G3BP2: variants seen among roughly 807,000 people sequenced by gnomAD.
G3BP2 encodes G3BP stress granule assembly factor 2, also known as ras GTPase-activating protein-binding protein 2.
A neutral mutation model predicts 56.7 loss-of-function variants in G3BP2; 11 were observed. The ratio of observed to expected loss-of-function variants is 0.19; its 90% CI spans 0.12 to 0.32. G3BP2 has a LOEUF of 0.32. Ranked by LOEUF, G3BP2 falls within the 10% of genes least tolerant of loss-of-function variation. G3BP2 has a pLI of 1.00. For missense variants in G3BP2, 340 were observed against 610.9 expected (o/e 0.56, Z 4.67); for synonymous variants, 165 against 191.6 (o/e 0.86, Z 1.15).
At chr4:75,680,829 G>C (rs1734041839) in intron 3 of G3BP2, among the ~76,000 whole-genome samples, 2 of 151,960 alleles carry the variant, frequency 1.3e-5, no homozygotes, top group Non-Finnish European at 2.9e-5. Context: ...GCTGGGTGTG[G>C]TGGTGGCATG....
At chr4:75,668,160 T>C (rs991855063) in intron 1 of G3BP2, among the ~76,000 whole-genome samples, 2 of 152,146 alleles carry the variant, frequency 1.3e-5, no homozygotes, top group African/African-American at 2.4e-5. Context: ...TAATACACAC[T>C]GAGAGGGAGT....
intron 1 of G3BP2, among the ~76,000 whole-genome samples, chr4:75,669,198 T>C (rs937327204): frequency 6.6e-6 from 1 of 152,218 alleles, no homozygotes; most frequent in African/African-American, 2.4e-5. Flanking sequence ...GTATCTAGTC[T>C]ATACCATAAG....
intron 3 of G3BP2, among the ~76,000 whole-genome samples, chr4:75,709,693 G>A (rs1560422599): frequency 6.6e-6 from 1 of 152,080 alleles, no homozygotes; most frequent in African/African-American, 2.4e-5. Context: ...TGTGTGTGGT[G>A]GGGCGGGTTT....
At chr4:75,656,423 GAAAA>G (rs952971968) in intron 5 of G3BP2, among the ~76,000 whole-genome samples, 1 of 151,798 alleles carries the variant, frequency 6.6e-6, no homozygotes, top group Non-Finnish European at 1.5e-5. Context: ...TCAGTAAAAG[GAAAA>G]AAGTTATATT....
chr4:75,714,353 A>G (rs1049466637), intron 3 of G3BP2, among the ~76,000 whole-genome samples: 21 of 152,210 alleles, frequency 1.4e-4, no homozygotes, highest in Admixed American at 1.3e-3. Context: ...GATGCTGGGC[A>G]CAGTGGCCCA....
intron 7 of G3BP2, 130 bp downstream of exon 7, chr4:75,654,936 C>A: frequency 1.5e-6 from 1 of 656,892 alleles, no homozygotes; most frequent in Non-Finnish European, 2.5e-6. Context: ...CAAACAAACC[C>A]CACAGCTTCT....
chr4:75,691,875 C>CAT (rs1718871694), intron 3 of G3BP2, among the ~76,000 whole-genome samples: 1 of 152,116 alleles, frequency 6.6e-6, no homozygotes, highest in Admixed American at 6.6e-5. Flanking sequence ...CACACACACA[C>CAT]ATACACACGC....
intron 5 of G3BP2, among the ~76,000 whole-genome samples, chr4:75,656,283 C>T (rs1392488982): frequency 7.9e-5 from 10 of 127,300 alleles, no homozygotes; most frequent in Non-Finnish European, 1.0e-4. Flanking sequence ...TGAGCCACCG[C>T]GCTCGGCTCC....
chr4:75,645,505 A>T lies in G3BP2; in HGVS notation c.1374T>A (p.Gly458=), dbSNP rs1425119827. Reference sequence around the variant, plus strand: ...CAGAGCCAAGTTTCTGTGCCATGCCACCCCTTGGAGGAGGTCCTCTTCCAT... The same window carrying T: ...CAGAGCCAAGTTTCTGTGCCATGCCTCCCCTTGGAGGAGGTCCTCTTCCAT... ...DRDGRGPPPR[G]GMAQKLGSGR... Residue 458 remains glycine (G), a synonymous_variant, in exon 12 of 12, where the codon GGT becomes GGA. Transcript: ENST00000359707. 1 of 1,613,714 alleles carries T rather than the reference A, an allele frequency of 6.2e-7. No homozygotes were observed. The highest frequency in any genetic ancestry group is 1.1e-5 in the South Asian group (1 of 91,044).
chr4:75,653,602 A>AC (rs1173334366), intron 8 of G3BP2, among the ~76,000 whole-genome samples: 5 of 150,504 alleles, frequency 3.3e-5, no homozygotes, highest in African/African-American at 4.9e-5. Flanking sequence ...AAAAAAAAAA[A>AC]AAAACAAAAA....
chr4:75,672,102 C>A (rs1167471696), intron 1 of G3BP2, among the ~76,000 whole-genome samples: 1 of 152,172 alleles, frequency 6.6e-6, no homozygotes, highest in Non-Finnish European at 1.5e-5. Flanking sequence ...AGTTAATATC[C>A]CACAACAATC....
rs34067467 is a variant in G3BP2 at position 75,682,414 on chromosome 4, C to CAA, written c.-24-20367_-24-20366dup. 1.0e-4 allele frequency among the ~76,000 whole-genome samples: 10 copies of CAA among 100,252 alleles called. No homozygotes were observed. The East Asian group carries it at 1.2e-3, about 12-fold the overall frequency. The allele number at this position is 100,252 out of a possible 152,430, so 65.8% of individuals were successfully genotyped here. A position where few individuals can be genotyped will look rare whatever the true frequency, so the allele number is the denominator to read the frequency against. ...CTTGTGACAGAGCGAGACTCCGTCT[C>CAA]AAAAAAAAAAAAAAAAAAAATTATG... On this transcript the variant is annotated intron_variant, in intron 3 of 3. Transcript: ENST00000499709.
At chr4:75,648,919 T>C (rs1731452566) in intron 8 of G3BP2, 178 bp from the exon 9 acceptor site, 1 of 454,352 alleles carries the variant, frequency 2.2e-6, no homozygotes, top group African/African-American at 1.9e-5. Context: ...TGTACCAATC[T>C]AGGACTGTAG....
intron 3 of G3BP2, among the ~76,000 whole-genome samples, chr4:75,694,425 C>A (rs567534651): frequency 4.6e-4 from 70 of 152,262 alleles, no homozygotes; most frequent in Middle Eastern, 3.4e-3. Flanking sequence ...CATGGTGAAA[C>A]CCCCGTCTCT....
intron 1 of G3BP2, among the ~76,000 whole-genome samples, chr4:75,666,638 A>C (rs939337339): frequency 2.0e-5 from 3 of 152,242 alleles, no homozygotes; most frequent in Non-Finnish European, 2.9e-5. Context: ...AAAATTGAGT[A>C]AGTAATATAA....
intron 5 of G3BP2, among the ~76,000 whole-genome samples, chr4:75,656,126 G>T (rs573290850): frequency 5.3e-4 from 80 of 151,718 alleles, no homozygotes; most frequent in African/African-American, 1.8e-3. Flanking sequence ...GAGTAGCTGG[G>T]GTTATAGGTA....
In G3BP2 at chr4:75,644,421, T is replaced by C. The variant is rs1031836521; in HGVS notation, c.*1009A>G. 4 of 152,676 alleles carry C rather than the reference T, an allele frequency of 2.6e-5. No homozygotes were observed. Among genetic ancestry groups the C allele is most frequent in the African/African-American group, 9.6e-5 (4 of 41,454 alleles). The allele number at this position is 152,676 out of a possible 1,614,324, so 9.5% of individuals were successfully genotyped here. A position where few individuals can be genotyped will look rare whatever the true frequency, so the allele number is the denominator to read the frequency against. ...GATTTTAAAGATACTGCAATTTTTATACATTTCGATGATTTTTCAACATTT... is the reference window on the plus strand; with the variant it reads ...GATTTTAAAGATACTGCAATTTTTACACATTTCGATGATTTTTCAACATTT... On this transcript the variant is annotated 3_prime_UTR_variant, in exon 12 of 12. Coordinates refer to ENST00000359707, the MANE Select transcript of G3BP2 (RefSeq NM_203505.3).
chr4:75,690,127 G>A (rs967079323), intron 3 of G3BP2, among the ~76,000 whole-genome samples: 3 of 152,090 alleles, frequency 2.0e-5, no homozygotes, highest in African/African-American at 2.4e-5. Flanking sequence ...TCAATAAAGC[G>A]CCTGGGTTAA....
chr4:75,711,322 GAAAAAA>G (rs60433756), intron 3 of G3BP2, among the ~76,000 whole-genome samples: 2 of 107,574 alleles, frequency 1.9e-5, no homozygotes, highest in African/African-American at 7.2e-5. Context: ...CCATCTCAAA[GAAAAAA>G]AAAAAAAAAG....
Sources: gnomAD v4.1 joint callset for allele counts (sites outside exome capture counted in the v4.1 genomes callset) on GRCh38, gnomAD v4.1.1 for gene constraint, MANE v1.5 for transcripts, NCBI Gene and HGNC (gene_info 2026-07-23, HGNC 2026-07-21) for gene names.